The following ANGPT1 variants were observed in gnomAD, a reference collection of about 807,000 sequenced individuals.
ANGPT1 encodes the protein angiopoietin-1.
Under a neutral mutation model 62.2 loss-of-function variants are expected in ANGPT1, and 17 were observed. The observed-to-expected ratio is 0.27, with a 90% CI of 0.19 to 0.41. ANGPT1 has a LOEUF of 0.41. ANGPT1 is among the 10% of genes least tolerant of loss of function. ANGPT1 has a pLI of 1.00. For missense variants in ANGPT1, 478 were observed against 594.9 expected (o/e 0.80, Z 2.04); for synonymous variants, 199 against 198.9 (o/e 1.00, Z 0.00).
intron 8 of ANGPT1, among the ~76,000 whole-genome samples, chr8:107,261,200 T>C (rs1269751660): frequency 6.6e-6 from 1 of 152,060 alleles, no homozygotes; most frequent in Non-Finnish European, 1.5e-5. Context: ...ATTTCATTTA[T>C]GAGATCAGGG....
At chr8:107,397,299 C>T (rs1283664) in intron 1 of ANGPT1, among the ~76,000 whole-genome samples, 1 of 152,024 alleles carries the variant, frequency 6.6e-6, no homozygotes, top group Admixed American at 6.6e-5. Flanking sequence ...TACCTGAAAG[C>T]CCTAGGGCAA....
At chr8:107,428,380 C>G (rs1395111567) in intron 1 of ANGPT1, among the ~76,000 whole-genome samples, 1 of 152,072 alleles carries the variant, frequency 6.6e-6, no homozygotes, top group Non-Finnish European at 1.5e-5. Context: ...CAAGACTGAC[C>G]CCCATGAGAC....
chr8:107,421,134 G>T (rs1810885241), intron 1 of ANGPT1, among the ~76,000 whole-genome samples: 1 of 152,040 alleles, frequency 6.6e-6, no homozygotes, highest in South Asian at 2.1e-4. Context: ...TATTGGTAGA[G>T]TGAAAACGAT....
Position 107,402,048 on chromosome 8 carries a change from T to C in ANGPT1, c.298-54951A>G, listed in dbSNP as rs531708243. Reference sequence around the variant, plus strand: ...ATGATGGAAAAATTCAATCAGCACATTGGGTGATTAATGTCTGGGGTGATA... The same window carrying C: ...ATGATGGAAAAATTCAATCAGCACACTGGGTGATTAATGTCTGGGGTGATA... On this transcript the variant is annotated intron_variant, in intron 1 of 8. Transcript: ENST00000517746. Among the ~76,000 whole-genome samples, 3 of 152,256 alleles carry C rather than the reference T, an allele frequency of 2.0e-5. No homozygotes were observed. In the South Asian group the frequency reaches 6.2e-4, roughly 32 times the overall value.
At chr8:107,346,589 C>T (rs1815808794) in intron 2 of ANGPT1, among the ~76,000 whole-genome samples, 1 of 152,100 alleles carries the variant, frequency 6.6e-6, no homozygotes, top group Non-Finnish European at 1.5e-5. Flanking sequence ...AGAGACAAAA[C>T]AAAACAGGTC....
intron 6 of ANGPT1, among the ~76,000 whole-genome samples, chr8:107,293,434 C>CAAGTGCTACGT (rs1320493435): frequency 3.9e-5 from 6 of 152,180 alleles, no homozygotes; most frequent in African/African-American, 1.4e-4. Context: ...TGGAGGATGA[C>CAAGTGCTACGT]AAGTGCTACG....
chr8:107,287,909 TAGAC>T (rs1563551427), intron 6 of ANGPT1, among the ~76,000 whole-genome samples: 1 of 152,164 alleles, frequency 6.6e-6, no homozygotes, highest in Admixed American at 6.6e-5. Context: ...TGAGCACTGA[TAGAC>T]AGAAAACACT....
At chr8:107,379,532 C>A (rs1214880574) in intron 1 of ANGPT1, among the ~76,000 whole-genome samples, 1 of 141,522 alleles carries the variant, frequency 7.1e-6, no homozygotes, top group African/African-American at 2.5e-5. Context: ...GATGAAGAAA[C>A]TGAGTCTCAG....
intron 7 of ANGPT1, among the ~76,000 whole-genome samples, chr8:107,268,192 A>G (rs181424803): frequency 5.4e-4 from 82 of 152,208 alleles, no homozygotes; most frequent in African/African-American, 1.9e-3. Context: ...GACTAGATGG[A>G]TGATGGGTTT....
At chr8:107,354,108 C>T (rs1203846943) in intron 1 of ANGPT1, among the ~76,000 whole-genome samples, 1 of 152,134 alleles carries the variant, frequency 6.6e-6, no homozygotes, top group Non-Finnish European at 1.5e-5. Flanking sequence ...AAGTCATTTA[C>T]ATTGCCCCTA....
intron 4 of ANGPT1, among the ~76,000 whole-genome samples, chr8:107,318,850 T>G (rs530334335): frequency 7.2e-5 from 11 of 152,152 alleles, no homozygotes; most frequent in Non-Finnish European, 1.3e-4. Flanking sequence ...TACAATCCAC[T>G]TTTTTGGCAA....
chr8:107,321,200 C>G (rs1586220939), intron 4 of ANGPT1, among the ~76,000 whole-genome samples: 1 of 151,852 alleles, frequency 6.6e-6, no homozygotes. Flanking sequence ...TGTATGCCTT[C>G]TAAAGAAATA....
chr8:107,335,366 T>A (rs1175723409), intron 3 of ANGPT1, among the ~76,000 whole-genome samples: 3 of 152,202 alleles, frequency 2.0e-5, no homozygotes, highest in Non-Finnish European at 4.4e-5. Context: ...AACTGAACCT[T>A]CTTCAAGTTA....
intron 8 of ANGPT1, among the ~76,000 whole-genome samples, chr8:107,254,567 G>A (rs915026505): frequency 6.6e-6 from 1 of 152,104 alleles, no homozygotes; most frequent in Non-Finnish European, 1.5e-5. Flanking sequence ...TCACATTTGT[G>A]AAAGAAGCTG....
intron 5 of ANGPT1, among the ~76,000 whole-genome samples, chr8:107,300,787 G>A (rs541389832): frequency 6.6e-6 from 1 of 151,962 alleles, no homozygotes; most frequent in East Asian, 1.9e-4. Flanking sequence ...ATTTATTTAA[G>A]AAAACCCAAA....
At chr8:107,299,420 T>TATATATATATATATATATATAA (rs1342219214) in intron 5 of ANGPT1, among the ~76,000 whole-genome samples, 11 of 120,426 alleles carry the variant, frequency 9.1e-5, no homozygotes, top group Admixed American at 1.8e-4. Flanking sequence ...TATATATATA[T>TATATATATATATATATATATAA]AAACATACAT....
chr8:107,390,243 G>A (rs1306699699), intron 1 of ANGPT1, among the ~76,000 whole-genome samples: 3 of 152,052 alleles, frequency 2.0e-5, no homozygotes, highest in Non-Finnish European at 4.4e-5. Context: ...TATTAGAAAG[G>A]GGCCTGCAAG....
chr8:107,416,434 C>T (rs149442675), intron 1 of ANGPT1, among the ~76,000 whole-genome samples: 56 of 152,316 alleles, frequency 3.7e-4, no homozygotes, highest in African/African-American at 1.3e-3. Context: ...GTCCCAAGTG[C>T]AGGAGCCTTT....
chr8:107,369,873 G>A (rs1200842566), intron 1 of ANGPT1, among the ~76,000 whole-genome samples: 2 of 152,048 alleles, frequency 1.3e-5, no homozygotes, highest in Non-Finnish European at 2.9e-5. Context: ...GATGTGCCAA[G>A]TGCAGCAGCC....
Sources: allele counts gnomAD v4.1 joint callset (sites outside exome capture counted in the v4.1 genomes callset), GRCh38; gene constraint gnomAD v4.1.1; transcripts MANE v1.5; gene names NCBI Gene and HGNC (gene_info 2026-07-23, HGNC 2026-07-21).